Variants in EYA2 observed in about 807,000 individuals in gnomAD.
EYA2 encodes the protein protein phosphatase EYA2.
EYA2 carries 31 observed loss-of-function variants against 69.2 expected under a neutral mutation model. That is an observed-to-expected ratio of 0.45 (90% CI 0.34 to 0.60). EYA2 has a LOEUF of 0.60. Ranked by LOEUF, EYA2 falls within the 20% of genes least tolerant of loss-of-function variation. The pLI is 0.02. For missense variants in EYA2, 622 were observed against 701.2 expected, an observed-to-expected ratio of 0.89 and a Z score of 1.28; for synonymous variants, 257 against 279.4, an observed-to-expected ratio of 0.92 and a Z score of 0.80.
At chr20:46,960,852 G>A (rs1979432298) in intron 1 of EYA2, among the ~76,000 whole-genome samples, 1 of 152,102 alleles carries the variant, frequency 6.6e-6, no homozygotes, top group Non-Finnish European at 1.5e-5. Context: ...CATCCAAGCT[G>A]TGGGGCCCCT....
chr20:47,155,615 T>G (rs567903393), intron 10 of EYA2, among the ~76,000 whole-genome samples: 9 of 152,034 alleles, frequency 5.9e-5, no homozygotes, highest in Non-Finnish European at 1.3e-4. Context: ...GCTCTTCTTT[T>G]GCACCAGGCA....
intron 9 of EYA2, among the ~76,000 whole-genome samples, chr20:47,130,989 T>G (rs940473132): frequency 1.3e-5 from 2 of 151,886 alleles, no homozygotes; most frequent in African/African-American, 4.8e-5. Context: ...CTCAGGGGGC[T>G]GAGGCAGGAG....
At chr20:46,936,617 TTCTC>T (rs1235954208) in intron 1 of EYA2, among the ~76,000 whole-genome samples, 40 of 152,166 alleles carry the variant, frequency 2.6e-4, no homozygotes, top group South Asian at 6.2e-4. Flanking sequence ...GCAGGTGTCT[TTCTC>T]TCAGAACACG....
chr20:47,151,143 G>C (rs1406717683), intron 10 of EYA2, among the ~76,000 whole-genome samples: 1 of 151,988 alleles, frequency 6.6e-6, no homozygotes, highest in Admixed American at 6.5e-5. Flanking sequence ...GGTCGAAGCA[G>C]GTGTATCACT....
At chr20:47,167,799 A>G (rs949137005) in intron 10 of EYA2, among the ~76,000 whole-genome samples, 2 of 152,140 alleles carry the variant, frequency 1.3e-5, no homozygotes, top group Non-Finnish European at 2.9e-5. Flanking sequence ...TAACTGAACT[A>G]AAGTCCTGAT....
chr20:46,910,267 T>C (rs1984578035), intron 1 of EYA2, among the ~76,000 whole-genome samples: 1 of 152,068 alleles, frequency 6.6e-6, no homozygotes, highest in Admixed American at 6.5e-5. Context: ...ACGACTTACA[T>C]GGTGGAGCAA....
chr20:46,996,238 T>A (rs979389408), intron 2 of EYA2, among the ~76,000 whole-genome samples: 1 of 152,232 alleles, frequency 6.6e-6, no homozygotes, highest in African/African-American at 2.4e-5. Flanking sequence ...AAGCTTTAAT[T>A]TCCTCTCTTA....
intron 10 of EYA2, among the ~76,000 whole-genome samples, chr20:47,166,348 G>A (rs1568821180): frequency 8.3e-6 from 1 of 121,036 alleles, no homozygotes; most frequent in South Asian, 2.9e-4. Context: ...AGTGAACTGA[G>A]ATTGTGCCAC....
chr20:46,913,871 T>C (rs1984767980), intron 1 of EYA2, among the ~76,000 whole-genome samples: 1 of 152,134 alleles, frequency 6.6e-6, no homozygotes, highest in Non-Finnish European at 1.5e-5. Flanking sequence ...GGTGTTTGAA[T>C]ATATGATCAT....
chr20:47,064,533 T>A (rs1296994660), intron 5 of EYA2, among the ~76,000 whole-genome samples: 1 of 152,274 alleles, frequency 6.6e-6, no homozygotes, highest in Non-Finnish European at 1.5e-5. Context: ...ATGGTAGTTT[T>A]GTATGTACCT....
chr20:47,089,110 G>C, intron 7 of EYA2, 129 bp from the exon 8 acceptor site: 1 of 1,075,230 alleles, frequency 9.3e-7, no homozygotes, highest in Non-Finnish European at 1.3e-6. Context: ...TTCATCCTAC[G>C]AGATCTTTGC....
At chr20:47,077,125 T>C (rs969427750) in intron 7 of EYA2, among the ~76,000 whole-genome samples, 1 of 152,130 alleles carries the variant, frequency 6.6e-6, no homozygotes, top group Non-Finnish European at 1.5e-5. Flanking sequence ...ACCTAGAGCA[T>C]TGTAACTACA....
intron 14 of EYA2, among the ~76,000 whole-genome samples, chr20:47,181,723 A>T (rs973748446): frequency 3.0e-5 from 1 of 33,852 alleles, no homozygotes; most frequent in Non-Finnish European, 5.2e-5. Context: ...GCAAAAAATA[A>T]AAAAAATAAA....
At chr20:47,094,459 C>G (rs1352716603) in intron 8 of EYA2, among the ~76,000 whole-genome samples, 1 of 152,214 alleles carries the variant, frequency 6.6e-6, no homozygotes, top group African/African-American at 2.4e-5. Context: ...AATACTTAGC[C>G]TTACTAATTG....
At chr20:47,093,143 C>G (rs2032135182) in intron 8 of EYA2, among the ~76,000 whole-genome samples, 1 of 152,198 alleles carries the variant, frequency 6.6e-6, no homozygotes. Flanking sequence ...ACTATAGTGT[C>G]CTGGCCGTGC....
intron 1 of EYA2, among the ~76,000 whole-genome samples, chr20:46,986,298 TGTA>T (rs1981178939): frequency 7.6e-6 from 1 of 131,968 alleles, no homozygotes; most frequent in Non-Finnish European, 1.7e-5. Flanking sequence ...ATATATCTAA[TGTA>T]TATATTATAT....
At chr20:47,027,215 C>T (rs963806539) in intron 5 of EYA2, among the ~76,000 whole-genome samples, 1 of 152,228 alleles carries the variant, frequency 6.6e-6, no homozygotes, top group Non-Finnish European at 1.5e-5. Context: ...GAAATGGAGT[C>T]ATTTCCCTAT....
intron 5 of EYA2, among the ~76,000 whole-genome samples, chr20:47,040,380 A>G (rs901447302): frequency 3.9e-5 from 6 of 152,186 alleles, no homozygotes; most frequent in African/African-American, 1.4e-4. Context: ...CTGTCTCCGT[A>G]TCTCCCTCAA....
chr20:47,084,439 G>A (rs2031827809), intron 7 of EYA2, among the ~76,000 whole-genome samples: 1 of 152,196 alleles, frequency 6.6e-6, no homozygotes, highest in African/African-American at 2.4e-5. Flanking sequence ...TACTCAGGAG[G>A]CTGAGGCAGG....
Sources: allele counts gnomAD v4.1 joint callset (sites outside exome capture counted in the v4.1 genomes callset), GRCh38; gene constraint gnomAD v4.1.1; transcripts MANE v1.5; gene names NCBI Gene and HGNC (gene_info 2026-07-23, HGNC 2026-07-21).